Variants in LONRF3 observed in about 807,000 individuals in gnomAD.
LONRF3 encodes LON peptidase N-terminal domain and RING finger protein 3.
LONRF3 carries 19 observed loss-of-function variants against 51.7 expected under a neutral mutation model. That is an observed-to-expected ratio of 0.37 (90% CI 0.26 to 0.54). The LOEUF (loss-of-function observed/expected upper bound fraction) is 0.54, where lower values mean the gene tolerates loss of function less well. Among genes scored for constraint, LONRF3 ranks in the 20% least tolerant of loss-of-function variants. LONRF3 has a pLI of 0.86. For synonymous variants in LONRF3, 265 were observed against 257.8 expected (o/e 1.03, Z -0.27); for missense variants, 521 against 623.9 (o/e 0.84, Z 1.76).
intron 3 of LONRF3, among the ~76,000 whole-genome samples, chrX:118,984,277 C>T (rs771404741): frequency 8.9e-6 from 1 of 112,255 alleles, no homozygotes; most frequent in East Asian, 2.8e-4. Flanking sequence ...GGCCTCTTAG[C>T]TGCTCTGCCA....
intron 1 of LONRF3, 26 bp downstream of exon 1, chrX:118,975,623 G>A: frequency 9.1e-6 from 10 of 1,095,836 alleles, no homozygotes; most frequent in Non-Finnish European, 1.2e-5. Flanking sequence ...TGCCGGGCCG[G>A]GGCTGGGGCT....
intron 6 of LONRF3, among the ~76,000 whole-genome samples, chrX:119,008,314 C>G (rs775215363): frequency 1.8e-5 from 2 of 112,318 alleles, no homozygotes; most frequent in Non-Finnish European, 3.8e-5. Flanking sequence ...GGCGCTCCCC[C>G]TGCTGGGACT....
chrX:118,989,367 G>A (rs1923241640), intron 3 of LONRF3, 41 bp from the exon 4 acceptor site: 1 of 1,197,714 alleles, frequency 8.3e-7, no homozygotes, highest in Non-Finnish European at 1.1e-6. Context: ...GACAATATTA[G>A]TCCTAAGAAG....
chrX:119,013,536 C>T (rs958881604), intron 9 of LONRF3, among the ~76,000 whole-genome samples: 1 of 111,954 alleles, frequency 8.9e-6, no homozygotes, highest in Non-Finnish European at 1.9e-5. Context: ...TATATTTTAT[C>T]TATCGATTTA....
chrX:118,990,704 C>T, intron 5 of LONRF3, 144 bp downstream of exon 5: 2 of 479,058 alleles, frequency 4.2e-6, no homozygotes, highest in Non-Finnish European at 7.2e-6. Context: ...TTGATTGTCA[C>T]ATGGGTCAGC....
At chrX:118,988,393 T>G (rs1051202563) in intron 3 of LONRF3, among the ~76,000 whole-genome samples, 5 of 112,054 alleles carry the variant, frequency 4.5e-5, no homozygotes, top group Non-Finnish European at 9.4e-5. Context: ...CCACCCAAAC[T>G]TTGCTTTGCA....
chrX:118,990,709 G>T, intron 5 of LONRF3, 149 bp downstream of exon 5: 1 of 464,584 alleles, frequency 2.2e-6, no homozygotes, highest in Admixed American at 3.3e-5. Context: ...TGTCACATGG[G>T]TCAGCTTGTG....
At chrX:118,992,094 G>T (rs948568265) in intron 5 of LONRF3, among the ~76,000 whole-genome samples, 2 of 112,075 alleles carry the variant, frequency 1.8e-5, no homozygotes, top group African/African-American at 6.5e-5. Context: ...AATTAAGACG[G>T]TTGGCAGGCT....
intron 3 of LONRF3, among the ~76,000 whole-genome samples, chrX:118,986,326 G>T (rs1263717298): frequency 1.8e-5 from 2 of 111,911 alleles, no homozygotes; most frequent in African/African-American, 3.3e-5. Context: ...GGAAGCTGGA[G>T]TTCTGTTTTT....
At chrX:119,009,537 A>G (rs1924960865) in intron 7 of LONRF3, among the ~76,000 whole-genome samples, 1 of 111,795 alleles carries the variant, frequency 8.9e-6, no homozygotes, top group African/African-American at 3.3e-5. Context: ...GGCAAGAGTA[A>G]ATTGGAGTAG....
chrX:119,017,034 G>A (rs965047429), intron 10 of LONRF3, among the ~76,000 whole-genome samples: 2 of 112,098 alleles, frequency 1.8e-5, no homozygotes, highest in South Asian at 3.7e-4. Context: ...AATGACTGGA[G>A]CTTAAACAAG....
intron 5 of LONRF3, among the ~76,000 whole-genome samples, chrX:118,995,587 C>T (rs1923809278): frequency 9.0e-6 from 1 of 111,371 alleles, no homozygotes; most frequent in Admixed American, 9.5e-5. Context: ...ATTGATAGAC[C>T]ATTAGCAAGA....
Position 118,974,652 on chromosome X carries a change from C to A in LONRF3, c.-129C>A. 1.8e-6 allele frequency: 1 copy of A among 556,875 alleles called. No homozygotes were observed. Among genetic ancestry groups the A allele is most frequent in the East Asian group, 3.8e-5 (1 of 26,336 alleles). 45.9% of individuals were successfully genotyped at this position (556,875 alleles called of 1,213,427 possible). ...CGCGGGGCGGCCGGCATGGAGCTCC[C>A]GGAGGCGCGGCAGGGTCAGGAGCTC... On this transcript the variant is annotated 5_prime_UTR_variant, in exon 1 of 11. Coordinates refer to ENST00000371628, the MANE Select transcript of LONRF3 (RefSeq NM_001031855.3).
At chrX:118,994,770 T>C (rs990729048) in intron 5 of LONRF3, among the ~76,000 whole-genome samples, 1 of 111,826 alleles carries the variant, frequency 8.9e-6, no homozygotes, top group African/African-American at 3.3e-5. Context: ...TAAAAGGCCT[T>C]GTCCAACAGG....
chrX:118,976,177 G>T (rs1394007814), intron 1 of LONRF3, among the ~76,000 whole-genome samples: 2 of 113,228 alleles, frequency 1.8e-5, no homozygotes, highest in Non-Finnish European at 3.8e-5. Flanking sequence ...GCGGCTCCCT[G>T]TGGGGTGGGT....
At chrX:119,004,013 T>C (rs1924524502) in intron 5 of LONRF3, among the ~76,000 whole-genome samples, 1 of 111,881 alleles carries the variant, frequency 8.9e-6, no homozygotes, top group South Asian at 3.7e-4. Flanking sequence ...ACTTTGTTAA[T>C]TCCATTCTTA....
At chrX:118,987,330 G>A (rs1319641501) in intron 3 of LONRF3, among the ~76,000 whole-genome samples, 1 of 109,632 alleles carries the variant, frequency 9.1e-6, no homozygotes, top group African/African-American at 3.3e-5. Flanking sequence ...CAGGCTGGAG[G>A]GCAGTGATAT....
rs761254881 is a variant in LONRF3 at position 118,996,333 on chromosome X, A to T, written c.1415+5773A>T. Among the ~76,000 whole-genome samples, 10 of 111,527 alleles carry T rather than the reference A, an allele frequency of 9.0e-5. No individual in the cohort carries two copies. The East Asian group carries it at 2.5e-3, about 28-fold the overall frequency. ...TAGCCAGAACAATCAGACAAGAGAAAGAAATAAAGGGCATCCAAATCAGTA... is the reference window on the plus strand; with the variant it reads ...TAGCCAGAACAATCAGACAAGAGAATGAAATAAAGGGCATCCAAATCAGTA... On this transcript the variant is annotated intron_variant, in intron 5 of 10. Transcript: ENST00000371628.
intron 5 of LONRF3, among the ~76,000 whole-genome samples, chrX:119,001,922 G>C (rs1924344708): frequency 8.9e-6 from 1 of 112,508 alleles, no homozygotes; most frequent in African/African-American, 3.2e-5. Flanking sequence ...TTGCATATTA[G>C]TTGTAGATAC....
Sources: allele counts gnomAD v4.1 joint callset (sites outside exome capture counted in the v4.1 genomes callset), GRCh38; gene constraint gnomAD v4.1.1; transcripts MANE v1.5; gene names NCBI Gene and HGNC (gene_info 2026-07-23, HGNC 2026-07-21).